The following TNRC6C variants were observed in gnomAD, a reference collection of about 807,000 sequenced individuals.
The protein encoded by TNRC6C is trinucleotide repeat-containing gene 6C protein.
A neutral mutation model predicts 153.7 loss-of-function variants in TNRC6C; 20 were observed. The observed-to-expected ratio is 0.13, with a 90% CI of 0.09 to 0.19. The LOEUF (loss-of-function observed/expected upper bound fraction) is 0.19, where lower values mean the gene tolerates loss of function less well. TNRC6C is among the 10% of genes least tolerant of loss of function. The pLI is 1.00. For missense variants in TNRC6C, 1,987 were observed against 2,172.0 expected (o/e 0.91, Z 1.69); for synonymous variants, 811 against 841.4 (o/e 0.96, Z 0.63).
rs75763673 is a variant in TNRC6C, at chr17:77,983,763, G to C, written c.-37-20407G>C. 9.1e-3 allele frequency among the ~76,000 whole-genome samples: 1,387 copies of C among 152,180 alleles called. 24 individuals are homozygous for C. The highest frequency in any genetic ancestry group is 0.032 in the African/African-American group (1,321 of 41,496). ...CTGTATGTTTATATGTATTAACTTT[G>C]CTTTTTCCCCCCTTATTTTATATAT... On this transcript the variant is annotated intron_variant, in intron 1 of 22. Coordinates refer to the TNRC6C transcript ENST00000636222.
At chr17:77,996,088 T>G (rs754756655) in intron 1 of TNRC6C, among the ~76,000 whole-genome samples, 7 of 151,908 alleles carry the variant, frequency 4.6e-5, no homozygotes, top group Non-Finnish European at 8.8e-5. Context: ...CAAACAACAA[T>G]CCTCCCATAT....
chr17:78,048,791 T>A, intron 2 of TNRC6C, 54 bp from the exon 5 acceptor site: 1 of 1,230,990 alleles, frequency 8.1e-7, no homozygotes, highest in Non-Finnish European at 1.0e-6. Context: ...AACAGTTGAT[T>A]CATTGACAAA....
At chr17:78,051,496 AAAG>A in intron 3 of TNRC6C, 48 bp downstream of exon 5, 1 of 1,373,076 alleles carries the variant, frequency 7.3e-7, no homozygotes, top group Non-Finnish European at 9.4e-7. Flanking sequence ...AAAAAAAAAA[AAAG>A]CTTATTCTCA....
intron 1 of TNRC6C, among the ~76,000 whole-genome samples, chr17:77,971,917 G>A (rs1442228100): frequency 1.3e-5 from 2 of 150,210 alleles, no homozygotes; most frequent in Non-Finnish European, 3.0e-5. Context: ...CAACTAAACT[G>A]TACTAGGAGA....
chr17:77,968,524 TAG>T (rs1168459162), intron 1 of TNRC6C, among the ~76,000 whole-genome samples: 1 of 148,770 alleles, frequency 6.7e-6, no homozygotes, highest in Non-Finnish European at 1.5e-5. Context: ...GTATTTTTAG[TAG>T]AGACAGGGTT....
chr17:77,966,160 C>CG (rs2070895270), intron 1 of TNRC6C, among the ~76,000 whole-genome samples: 1 of 152,086 alleles, frequency 6.6e-6, no homozygotes, highest in African/African-American at 2.4e-5. Flanking sequence ...ATAGTAGGGA[C>CG]GGGATATAGT....
Position 77,977,854 on chromosome 17 carries a change from G to C in TNRC6C, c.-38+18586G>C, listed in dbSNP as rs1037123446. ...CTCTTAAAATAATTTACCAGAAAGT[G>C]TAATTCATCAGTATCAGTATTTTTT... On this transcript the variant is annotated intron_variant, in intron 1 of 22. Transcript: ENST00000636222. 5.6e-5 allele frequency among the ~76,000 whole-genome samples: 8 copies of C among 144,024 alleles called. 1 individual carries two copies. The highest frequency in any genetic ancestry group is 1.5e-4 in the African/African-American group (6 of 38,868). 94.5% of individuals were successfully genotyped at this position (144,024 alleles called of 152,430 possible).
At chr17:77,958,432 C>A (rs1199824385), upstream of TNRC6C, among the ~76,000 whole-genome samples, 1 of 151,786 alleles carries the variant, frequency 6.6e-6, no homozygotes, top group Non-Finnish European at 1.5e-5. Flanking sequence ...CCGGCGCGCT[C>A]CCCGCGCGGT....
At chr17:78,039,319 C>G (rs570441873) in intron 2 of TNRC6C, among the ~76,000 whole-genome samples, 17 of 149,102 alleles carry the variant, frequency 1.1e-4, no homozygotes, top group African/African-American at 2.3e-4. Flanking sequence ...GCCCCCCCCC[C>G]CCACTCCCTA....
chr17:77,958,446 G>A (rs2070828841), upstream of TNRC6C, among the ~76,000 whole-genome samples: 1 of 151,904 alleles, frequency 6.6e-6, no homozygotes, highest in Admixed American at 6.5e-5. Flanking sequence ...GCGCGGTGCA[G>A]GGAACCACAG....
At chr17:78,058,592 G>C (rs2072704602) in intron 3 of TNRC6C, among the ~76,000 whole-genome samples, 3 of 152,206 alleles carry the variant, frequency 2.0e-5, no homozygotes, top group South Asian at 2.1e-4. Flanking sequence ...CAGTGGGGTA[G>C]TGACATCTTA....
At chr17:77,976,748 G>C in intron 1 of TNRC6C, among the ~76,000 whole-genome samples, 1 of 151,914 alleles carries the variant, frequency 6.6e-6, no homozygotes, top group East Asian at 1.9e-4. Context: ...AACCAATATG[G>C]TGAAACCCCA....
intron 2 of TNRC6C, among the ~76,000 whole-genome samples, chr17:78,043,664 G>A (rs2072345734): frequency 1.3e-5 from 2 of 152,006 alleles, no homozygotes; most frequent in South Asian, 4.2e-4. Context: ...TAATTACTAG[G>A]TCTTATTTAT....
At chr17:78,100,737 C>G (rs1423727287) in intron 17 of TNRC6C, among the ~76,000 whole-genome samples, 1 of 151,210 alleles carries the variant, frequency 6.6e-6, no homozygotes, top group Non-Finnish European at 1.5e-5. Flanking sequence ...TTTCTGCACC[C>G]AGCTTGAATT....
At chr17:78,072,301 A>C (rs936049717) in intron 6 of TNRC6C, among the ~76,000 whole-genome samples, 1 of 152,258 alleles carries the variant, frequency 6.6e-6, no homozygotes, top group Non-Finnish European at 1.5e-5. Flanking sequence ...ACTGTGTTCC[A>C]GTCATAAATT....
chr17:78,051,018 T>C, exon 3 of TNRC6C: 2 of 1,613,308 alleles, frequency 1.2e-6, no homozygotes, highest in Non-Finnish European at 1.7e-6. Context: ...CCAATCCAGG[T>C]ACAAACTGGG....
chr17:77,968,561 CT>C (rs1279396606), intron 1 of TNRC6C, among the ~76,000 whole-genome samples: 1 of 148,754 alleles, frequency 6.7e-6, no homozygotes, highest in Middle Eastern at 4.0e-3. Flanking sequence ...AGGATGGTCT[CT>C]TATCTCCTGA....
rs1480027462 is a variant in TNRC6C, at chr17:78,073,029, C to T, written c.2860-8C>T. 1 of 1,550,076 alleles carries T rather than the reference C, an allele frequency of 6.5e-7. No individual in the cohort carries two copies. Among genetic ancestry groups the T allele is most frequent in the Non-Finnish European group, 8.7e-7 (1 of 1,145,506 alleles). On this transcript the variant is annotated splice_polypyrimidine_tract_variant and splice_region_variant and intron_variant, in intron 6 of 19. Coordinates refer to ENST00000301624, the Ensembl canonical transcript of TNRC6C. ...GTGCACTAATGAAAACTCTGTTTTCCTACACAGAGAGAGCCAGCTGAGGAG... is the reference window on the plus strand; with the variant it reads ...GTGCACTAATGAAAACTCTGTTTTCTTACACAGAGAGAGCCAGCTGAGGAG...
intron 19 of TNRC6C, among the ~76,000 whole-genome samples, 195 bp downstream of exon 22, chr17:78,103,748 T>C (rs928603429): frequency 2.6e-5 from 4 of 152,136 alleles, no homozygotes; most frequent in African/African-American, 9.7e-5. Context: ...CTGAGGCCTC[T>C]CTCCTTGGCT....
Sources: allele counts gnomAD v4.1 joint callset (sites outside exome capture counted in the v4.1 genomes callset), GRCh38; gene constraint gnomAD v4.1.1; transcripts MANE v1.5; gene names NCBI Gene and HGNC (gene_info 2026-07-23, HGNC 2026-07-21).